Variants in NUMB observed in about 807,000 individuals in gnomAD.
NUMB encodes the protein NUMB endocytic adaptor protein, also known as protein numb homolog.
Under a neutral mutation model 59.7 loss-of-function variants are expected in NUMB, and 29 were observed. The observed-to-expected ratio is 0.49, with a 90% CI of 0.36 to 0.66. NUMB has a LOEUF of 0.66. Ranked by LOEUF, NUMB falls within the 30% of genes least tolerant of loss-of-function variation. The pLI is 0.00. For missense variants in NUMB, 723 were observed against 822.0 expected, an observed-to-expected ratio of 0.88 and a Z score of 1.47; for synonymous variants, 288 against 288.2, an observed-to-expected ratio of 1.00 and a Z score of 0.01.
intron 2 of NUMB, among the ~76,000 whole-genome samples, chr14:73,404,413 A>G (rs188355858): frequency 1.7e-3 from 253 of 152,290 alleles, no homozygotes; most frequent in African/African-American, 5.9e-3. Flanking sequence ...AAATGTTTAT[A>G]AAGTATAATA....
At chr14:73,427,061 G>C (rs1464038536) in intron 1 of NUMB, among the ~76,000 whole-genome samples, 1 of 152,186 alleles carries the variant, frequency 6.6e-6, no homozygotes, top group African/African-American at 2.4e-5. Flanking sequence ...GAGTCTGCCA[G>C]AGCTAGGGTG....
At chr14:73,414,693 T>C (rs768559128) in intron 1 of NUMB, among the ~76,000 whole-genome samples, 1 of 152,072 alleles carries the variant, frequency 6.6e-6, no homozygotes, top group Non-Finnish European at 1.5e-5. Flanking sequence ...GGCCCCCAGA[T>C]AATGACCGGT....
In NUMB at chr14:73,354,231, G is replaced by A. The variant is rs139429499; in HGVS notation, c.126+1395C>T. On this transcript the variant is annotated intron_variant, in intron 4 of 12. Transcript: ENST00000555238. ...TTACACTTATAAGAATACATAGGCC[G>A]AGTGTGGTGGATCATGTCTGTAACC... 5.9e-4 allele frequency among the ~76,000 whole-genome samples: 90 copies of A among 152,144 alleles called. 1 individual carries two copies. The highest frequency in any genetic ancestry group is 7.7e-4 in the East Asian group (4 of 5,182).
chr14:73,314,527 C>T (rs192145324), intron 6 of NUMB, among the ~76,000 whole-genome samples: 11 of 152,212 alleles, frequency 7.2e-5, no homozygotes, highest in South Asian at 2.1e-4. Context: ...CCCCATTATA[C>T]GTAGCAATAA....
At chr14:73,422,810 AC>A (rs1328668696) in intron 1 of NUMB, among the ~76,000 whole-genome samples, 1 of 146,068 alleles carries the variant, frequency 6.8e-6, no homozygotes, top group Non-Finnish European at 1.5e-5. Flanking sequence ...GGATTCAATC[AC>A]CCCCCTGGCC....
chr14:73,294,708 AG>A (rs1351183747), intron 7 of NUMB, among the ~76,000 whole-genome samples: 2 of 148,562 alleles, frequency 1.3e-5, no homozygotes, highest in Non-Finnish European at 3.0e-5. Context: ...TAGGAGAGAC[AG>A]GGTTTCAGCA....
intron 1 of NUMB, among the ~76,000 whole-genome samples, chr14:73,442,073 G>A (rs1442037906): frequency 2.6e-5 from 4 of 151,486 alleles, no homozygotes; most frequent in Non-Finnish European, 4.4e-5. Flanking sequence ...AAAGAGACCC[G>A]GCACAGTAGC....
At chr14:73,305,642 C>T (rs997132774) in intron 6 of NUMB, among the ~76,000 whole-genome samples, 7 of 152,204 alleles carry the variant, frequency 4.6e-5, no homozygotes, top group Admixed American at 1.3e-4. Flanking sequence ...ATGGAAACAT[C>T]ATTTTGCATA....
At chr14:73,431,367 T>G (rs1402914533) in intron 1 of NUMB, among the ~76,000 whole-genome samples, 1 of 151,076 alleles carries the variant, frequency 6.6e-6, no homozygotes, top group East Asian at 2.0e-4. Flanking sequence ...GCAACTCTCG[T>G]GCTTTGGCCT....
At position 73,338,749 on chromosome 14, in the gene NUMB, C is replaced by T. The variant is rs559641332; in HGVS notation, c.127-15545G>A. Among the ~76,000 whole-genome samples, 8 of 152,222 alleles carry T rather than the reference C, an allele frequency of 5.3e-5. No homozygotes were observed. In the South Asian group the frequency reaches 1.2e-3, roughly 24 times the overall value. On this transcript the variant is annotated intron_variant, in intron 4 of 12. Coordinates refer to ENST00000555238, the MANE Select transcript of NUMB (RefSeq NM_001005743.2). ...GGTAACAATGACTGGGAAAATTATT[C>T]CTGGGTAGCAGATGAGGGCCCATGG...
At position 73,367,322 on chromosome 14, in the gene NUMB, C is replaced by CACACACACACATATACAT. The variant is rs1555375266; in HGVS notation, c.-100-342_-100-341insATGTATATGTGTGTGTGT. ...ACACACACACACACACACACACACA[C>CACACACACACATATACAT]ATATATACATATATATATATATATA... On this transcript the variant is annotated intron_variant, in intron 2 of 12. Transcript: ENST00000555238. Among the ~76,000 whole-genome samples the CACACACACACATATACAT allele has an allele frequency of 4.3e-5, 4 of 92,350 alleles. 1 individual carries two copies. Among genetic ancestry groups the CACACACACACATATACAT allele is most frequent in the African/African-American group, 1.1e-4 (2 of 18,588 alleles). The allele number at this position is 92,350 out of a possible 152,430, so 60.6% of individuals were successfully genotyped here.
rs374555732 is a variant in NUMB, at chr14:73,319,188, G to A, written c.202-2766C>T. On this transcript the variant is annotated intron_variant, in intron 5 of 12. Coordinates refer to ENST00000555238, the MANE Select transcript of NUMB (RefSeq NM_001005743.2). ...TGAGGCAGGAGAATCGCGTGAACCCGGGAGGCGGAGGTTGCAGCGACCCAA... is the reference window on the plus strand; with the variant it reads ...TGAGGCAGGAGAATCGCGTGAACCCAGGAGGCGGAGGTTGCAGCGACCCAA... 2.5e-4 allele frequency among the ~76,000 whole-genome samples: 38 copies of A among 152,282 alleles called. 1 individual carries two copies. Among genetic ancestry groups the A allele is most frequent in the African/African-American group, 8.4e-4 (35 of 41,546 alleles).
rs17182272 is a variant in NUMB, at chr14:73,279,362, C to A, written c.1159G>T (p.Val387Leu). ...TTGGTTTCACGCACAGGCATTGCTA[C>A]GGGTGCTAGAGCAGTATGGGCTGGC... Reference protein sequence around the residue: ...AKPAHTALAPVAMPVRETNPW... With the variant: ...AKPAHTALAPLAMPVRETNPW... Residue 387 changes from valine (V) to leucine (L), a missense_variant, in exon 12 of 13, where the codon GTA (valine) becomes TTA (leucine). Physicochemically the swap from Val to Leu is conservative, Grantham distance 32 (BLOSUM62 1). Coordinates refer to ENST00000555238, the MANE Select transcript of NUMB (RefSeq NM_001005743.2). 1.2e-6 allele frequency: 2 copies of A among 1,612,532 alleles called. No individual in the cohort carries two copies. Among genetic ancestry groups the A allele is most frequent in the Non-Finnish European group, 8.5e-7 (1 of 1,179,258 alleles).
intron 1 of NUMB, among the ~76,000 whole-genome samples, chr14:73,422,908 CAAA>C (rs143271018): frequency 4.1e-5 from 5 of 123,106 alleles, no homozygotes; most frequent in Admixed American, 8.0e-5. Flanking sequence ...GATCCTGTCT[CAAA>C]AAAAAAAAAA....
intron 4 of NUMB, among the ~76,000 whole-genome samples, chr14:73,339,465 C>A (rs1432169625): frequency 6.6e-6 from 1 of 152,230 alleles, no homozygotes; most frequent in Non-Finnish European, 1.5e-5. Context: ...CCTCAGGCAA[C>A]CTGAAATGCT....
chr14:73,312,215 G>A (rs1241435368), intron 6 of NUMB, among the ~76,000 whole-genome samples: 2 of 152,124 alleles, frequency 1.3e-5, no homozygotes, highest in Non-Finnish European at 2.9e-5. Context: ...CCAACATGGT[G>A]AAACCCTGTC....
intron 4 of NUMB, among the ~76,000 whole-genome samples, chr14:73,347,319 T>C (rs1892968039): frequency 6.6e-6 from 1 of 152,206 alleles, no homozygotes. Flanking sequence ...TATAAGAAAC[T>C]GTACATATTT....
intron 6 of NUMB, among the ~76,000 whole-genome samples, chr14:73,300,065 CT>C (rs74645214): frequency 1.3e-5 from 2 of 151,940 alleles, no homozygotes; most frequent in African/African-American, 4.8e-5. Flanking sequence ...TATTAATAAA[CT>C]TTTAAAAACC....
intron 2 of NUMB, 80 bp downstream of exon 2, chr14:73,409,857 T>C (rs529635954): frequency 2.0e-5 from 3 of 152,358 alleles, no homozygotes; most frequent in South Asian, 2.1e-4. Flanking sequence ...AATAAAATGT[T>C]TGCATCTAAC....
Sources: gnomAD v4.1 joint callset for allele counts (sites outside exome capture counted in the v4.1 genomes callset) on GRCh38, gnomAD v4.1.1 for gene constraint, MANE v1.5 for transcripts, NCBI Gene and HGNC (gene_info 2026-07-23, HGNC 2026-07-21) for gene names.